Variants in COL28A1 observed in about 807,000 individuals in gnomAD.
COL28A1 encodes collagen type XXVIII alpha 1 chain, also known as collagen alpha-1(XXVIII) chain.
COL28A1 carries 161 observed loss-of-function variants against 150.2 expected under a neutral mutation model. That is an observed-to-expected ratio of 1.07 (90% CI 0.94 to 1.22). COL28A1 has a LOEUF of 1.22. COL28A1 is among the 50% of genes most tolerant of loss of function. COL28A1 has a pLI of 0.00. For synonymous variants in COL28A1, 552 were observed against 469.7 expected, an observed-to-expected ratio of 1.18 and a Z score of -2.26; for missense variants, 1,617 against 1,388.3, an observed-to-expected ratio of 1.16 and a Z score of -2.62.
intron 11 of COL28A1, among the ~76,000 whole-genome samples, chr7:7,496,220 C>T (rs1369116573): frequency 6.6e-6 from 1 of 152,188 alleles, no homozygotes; most frequent in Non-Finnish European, 1.5e-5. Context: ...TGTTCTCCAT[C>T]TCCTCCCCAC....
intron 27 of COL28A1, among the ~76,000 whole-genome samples, chr7:7,401,644 T>C (rs1361710447): frequency 6.6e-6 from 1 of 152,046 alleles, no homozygotes; most frequent in African/African-American, 2.4e-5. Context: ...AACCACCCCT[T>C]ATCACTTCCA....
At chr7:7,399,687 C>T (rs1015858652) in intron 27 of COL28A1, among the ~76,000 whole-genome samples, 13 of 152,106 alleles carry the variant, frequency 8.5e-5, no homozygotes, top group African/African-American at 1.9e-4. Flanking sequence ...TCCAAGAATT[C>T]GTTATGTGGG....
At chr7:7,415,700 AT>A in intron 27 of COL28A1, among the ~76,000 whole-genome samples, 1 of 151,780 alleles carries the variant, frequency 6.6e-6, no homozygotes, top group East Asian at 1.9e-4. Flanking sequence ...TGCCTGGCTA[AT>A]TTTTGTATTT....
chr7:7,410,694 A>G (rs1178169079), intron 27 of COL28A1, among the ~76,000 whole-genome samples: 1 of 151,626 alleles, frequency 6.6e-6, no homozygotes, highest in African/African-American at 2.4e-5. Flanking sequence ...GGAGAAAAAA[A>G]CCTTTAAGTT....
intron 11 of COL28A1, among the ~76,000 whole-genome samples, chr7:7,502,620 T>G (rs1285046818): frequency 6.6e-6 from 1 of 152,202 alleles, no homozygotes; most frequent in Admixed American, 6.5e-5. Flanking sequence ...TTTTAAGGTC[T>G]TATATGAAAT....
In COL28A1 at chr7:7,432,559, G is replaced by T; in HGVS notation, c.1930-18C>A. On this transcript the variant is annotated intron_variant, in intron 24 of 34. Coordinates refer to ENST00000399429, the MANE Select transcript of COL28A1 (RefSeq NM_001037763.3). ...CGAGGTCCCTGAGATGACACAGTAAGGGAGGGAGTGAGCATCCTTGTAGTA... is the reference window on the plus strand; with the variant it reads ...CGAGGTCCCTGAGATGACACAGTAATGGAGGGAGTGAGCATCCTTGTAGTA... 6.2e-7 allele frequency: 1 copy of T among 1,613,540 alleles called. No individual in the cohort carries two copies. The highest frequency in any genetic ancestry group is 8.5e-7 in the Non-Finnish European group (1 of 1,179,516).
At chr7:7,390,360 T>G (rs1036604063) in intron 27 of COL28A1, among the ~76,000 whole-genome samples, 2 of 152,326 alleles carry the variant, frequency 1.3e-5, no homozygotes, top group Non-Finnish European at 2.9e-5. Flanking sequence ...TCGTGGTGGT[T>G]AAGCTTTTTG....
At chr7:7,424,460 A>T (rs1469114750) in intron 25 of COL28A1, among the ~76,000 whole-genome samples, 2 of 152,182 alleles carry the variant, frequency 1.3e-5, no homozygotes, top group African/African-American at 2.4e-5. Flanking sequence ...TTGACCTGTG[A>T]TATTTTCAGA....
Position 7,503,670 on chromosome 7 carries a change from T to A in COL28A1, c.1026+2344A>T, listed in dbSNP as rs1382999386. On this transcript the variant is annotated intron_variant, in intron 11 of 34. Coordinates refer to ENST00000399429, the MANE Select transcript of COL28A1 (RefSeq NM_001037763.3). ...ACTGACTTTTATGACAGTACACTAA[T>A]AAGTGTATAAAATGAAAAAAATAGC... 2.6e-5 allele frequency among the ~76,000 whole-genome samples: 4 copies of A among 152,248 alleles called. No homozygotes were observed. The East Asian group carries it at 7.7e-4, about 29-fold the overall frequency.
chr7:7,458,717 C>T (rs181683016), intron 15 of COL28A1, among the ~76,000 whole-genome samples: 36 of 152,234 alleles, frequency 2.4e-4, no homozygotes, highest in African/African-American at 8.4e-4. Flanking sequence ...CACAACAACC[C>T]CTGTAAAGTG....
chr7:7,499,309 A>G (rs1358338156), intron 11 of COL28A1, among the ~76,000 whole-genome samples: 1 of 152,218 alleles, frequency 6.6e-6, no homozygotes, highest in Non-Finnish European at 1.5e-5. Context: ...TTCTTCCTAT[A>G]CACTGAGCAG....
At chr7:7,535,508 G>A (rs966161412) in intron 1 of COL28A1, among the ~76,000 whole-genome samples, 1 of 152,068 alleles carries the variant, frequency 6.6e-6, no homozygotes, top group African/African-American at 2.4e-5. Context: ...TAACATCGTT[G>A]TAAAACAATT....
intron 33 of COL28A1, among the ~76,000 whole-genome samples, chr7:7,361,137 A>G (rs17448858): frequency 0.029 from 4,399 of 152,014 alleles, 104 homozygotes; most frequent in Non-Finnish European, 0.046. Flanking sequence ...ACCCCAGCTA[A>G]TACCAAATGC....
Position 7,357,883 on chromosome 7 carries a change from G to A in COL28A1, c.*750C>T, listed in dbSNP as rs1780415499. On this transcript the variant is annotated 3_prime_UTR_variant, in exon 35 of 35. Transcript: ENST00000399429. Reference sequence around the variant, plus strand: ...TGGATGCCAACTTCAAGTGGTTCCTGGCTGTCAAGGGCCTTCCCATTCCAC... The same window carrying A: ...TGGATGCCAACTTCAAGTGGTTCCTAGCTGTCAAGGGCCTTCCCATTCCAC... 1 of 152,132 alleles carries A rather than the reference G, an allele frequency of 6.6e-6. No individual in the cohort carries two copies. The highest frequency in any genetic ancestry group is 2.1e-4 in the South Asian group (1 of 4,826). 9.4% of individuals were successfully genotyped at this position (152,132 alleles called of 1,614,324 possible).
intron 11 of COL28A1, among the ~76,000 whole-genome samples, chr7:7,491,995 T>G (rs1779941522): frequency 6.6e-6 from 1 of 152,198 alleles, no homozygotes; most frequent in Non-Finnish European, 1.5e-5. Flanking sequence ...CACGTGTACC[T>G]TTAATTTATG....
At chr7:7,401,020 G>GCT (rs1159431510) in intron 27 of COL28A1, among the ~76,000 whole-genome samples, 154 of 147,310 alleles carry the variant, frequency 1.0e-3, no homozygotes, top group Non-Finnish European at 1.6e-3. Context: ...GTGTGTGTGT[G>GCT]TGTGTACAGC....
At chr7:7,400,810 T>C (rs1783132385) in intron 27 of COL28A1, among the ~76,000 whole-genome samples, 2 of 152,200 alleles carry the variant, frequency 1.3e-5, no homozygotes, top group African/African-American at 4.8e-5. Context: ...TTTTCTCTTT[T>C]TAAAATTTCT....
chr7:7,347,929 AG>A, the COL28A1 span, among the ~76,000 whole-genome samples: 2 of 151,914 alleles, frequency 1.3e-5, no homozygotes, highest in African/African-American at 4.8e-5. Flanking sequence ...GCAATGGGGG[AG>A]GGGGGTAATA....
intron 3 of COL28A1, 54 bp downstream of exon 3, chr7:7,531,293 AC>A (rs1408770612): frequency 6.8e-6 from 5 of 731,058 alleles, no homozygotes; most frequent in Non-Finnish European, 1.1e-5. Context: ...GGGATTTACA[AC>A]AAATATGTCA....
Sources: allele counts gnomAD v4.1 joint callset (sites outside exome capture counted in the v4.1 genomes callset), GRCh38; gene constraint gnomAD v4.1.1; transcripts MANE v1.5; gene names NCBI Gene and HGNC (gene_info 2026-07-23, HGNC 2026-07-21).